Variants in HTR5A observed in about 807,000 individuals in gnomAD.
HTR5A encodes 5-HT-5.
Under a neutral mutation model 24.3 loss-of-function variants are expected in HTR5A, and 21 were observed. That is an observed-to-expected ratio of 0.86 (90% CI 0.61 to 1.24). HTR5A has a LOEUF of 1.24. Among genes scored for constraint, HTR5A ranks in the 50% most tolerant of loss-of-function variants. The pLI is 0.00. For missense variants in HTR5A, 497 were observed against 489.5 expected (o/e 1.02, Z -0.15); for synonymous variants, 260 against 213.7 (o/e 1.22, Z -1.89).
At chr7:155,081,577 T>G (rs754551714) in intron 1 of HTR5A, among the ~76,000 whole-genome samples, 2 of 152,254 alleles carry the variant, frequency 1.3e-5, no homozygotes, top group Non-Finnish European at 2.9e-5. Context: ...AACTATTCAC[T>G]TTTTAACCCT....
In HTR5A at chr7:155,073,934, C is replaced by G. The variant is rs190394011; in HGVS notation, c.741+2294C>G. On this transcript the variant is annotated intron_variant, in intron 1 of 1. Coordinates refer to ENST00000287907, the MANE Select transcript of HTR5A (RefSeq NM_024012.4). ...ATATATATGTATATATATATACTCT[C>G]TTCTCTCTCTACTTTTCCCAGATCA... Among the ~76,000 whole-genome samples the G allele has an allele frequency of 6.0e-4, 76 of 127,158 alleles. 2 individuals are homozygous for G. The East Asian group carries it at 0.015, about 25-fold the overall frequency. 83.4% of individuals were successfully genotyped at this position (127,158 alleles called of 152,430 possible). A position where few individuals can be genotyped will look rare whatever the true frequency, so the allele number is the denominator to read the frequency against.
intron 1 of HTR5A, among the ~76,000 whole-genome samples, chr7:155,082,422 T>A (rs1206811822): frequency 2.0e-5 from 3 of 152,194 alleles, no homozygotes; most frequent in African/African-American, 7.2e-5. Context: ...GTGAACAGCA[T>A]CTCTAGTATG....
Position 155,073,809 on chromosome 7 carries a change from T to A in HTR5A, c.741+2169T>A, listed in dbSNP as rs550911519. On this transcript the variant is annotated intron_variant, in intron 1 of 1. Transcript: ENST00000287907. ...ATAGCAGAAGCAAAGCATTATAACA[T>A]CTTTGTGCTTTTTATATAGATACAC... is the stretch of plus-strand genomic sequence containing the variant. 6.0e-4 allele frequency among the ~76,000 whole-genome samples: 89 copies of A among 149,320 alleles called. 2 individuals are homozygous for A. The South Asian group carries it at 0.018, about 30-fold the overall frequency.
chr7:155,079,113 C>T (rs1170062381), intron 1 of HTR5A, among the ~76,000 whole-genome samples: 1 of 152,032 alleles, frequency 6.6e-6, no homozygotes, highest in East Asian at 1.9e-4. Flanking sequence ...TGCCACCACA[C>T]CTGGCTAATT....
At chr7:155,075,546 T>C (rs1795350797) in intron 1 of HTR5A, among the ~76,000 whole-genome samples, 1 of 152,254 alleles carries the variant, frequency 6.6e-6, no homozygotes. Context: ...GTTGAGGAGC[T>C]GTCCTTGACC....
rs202169182 is a variant in HTR5A at position 155,071,508 on chromosome 7, C to T, written c.609C>T (p.Phe203=). Reference sequence around the variant, plus strand: ...GCCGCGAGCCTTCCTACGCCGTGTTCTCCACCGTAGGCGCCTTCTACCTGC... The same window carrying T: ...GCCGCGAGCCTTCCTACGCCGTGTTTTCCACCGTAGGCGCCTTCTACCTGC... ...QVSREPSYAV[F]STVGAFYLPL... is the part of the protein sequence containing the mutation. Residue 203 remains phenylalanine, a synonymous_variant, in exon 1 of 2, where the codon TTC becomes TTT. Coordinates refer to ENST00000287907, the MANE Select transcript of HTR5A (RefSeq NM_024012.4). The T allele has an allele frequency of 3.7e-5, 59 of 1,614,226 alleles. No homozygotes were observed. The highest frequency in any genetic ancestry group is 4.9e-5 in the Non-Finnish European group (58 of 1,180,048).
chr7:155,084,225 A>G lies in HTR5A; in HGVS notation c.812A>G (p.Glu271Gly). ...VRHATVTFQP[E>G]GDTWREQKEQ... ...CACGCCACCGTCACCTTCCAGCCAGAAGGGGACACGTGGCGGGAGCAGAAG... is the reference window on the plus strand; with the variant it reads ...CACGCCACCGTCACCTTCCAGCCAGGAGGGGACACGTGGCGGGAGCAGAAG... The change falls in exon 2 of 2, where the codon GAA becomes GGA. Residue 271 changes from glutamate (E) to glycine (G), a missense_variant. By Grantham distance (98) the Glu-to-Gly change is moderately conservative. Transcript: ENST00000287907. 1 of 1,614,078 alleles carries G rather than the reference A, an allele frequency of 6.2e-7. No individual in the cohort carries two copies. The highest frequency in any genetic ancestry group is 8.5e-7 in the Non-Finnish European group (1 of 1,180,002).
intron 1 of HTR5A, among the ~76,000 whole-genome samples, chr7:155,075,331 T>G (rs1044913529): frequency 1.3e-5 from 2 of 152,258 alleles, no homozygotes; most frequent in Admixed American, 1.3e-4. Context: ...CATTGCACGT[T>G]GATCAACATG....
At chr7:155,074,935 A>G (rs1329196052) in intron 1 of HTR5A, among the ~76,000 whole-genome samples, 1 of 152,222 alleles carries the variant, frequency 6.6e-6, no homozygotes, top group Non-Finnish European at 1.5e-5. Context: ...CTTCATGTCA[A>G]GAGGTTTGAA....
chr7:155,077,706 C>T (rs1304656804), intron 1 of HTR5A, among the ~76,000 whole-genome samples: 2 of 152,188 alleles, frequency 1.3e-5, no homozygotes, highest in African/African-American at 4.8e-5. Flanking sequence ...CTCAGGTGAT[C>T]TGCCCACCTC....
chr7:155,080,936 T>G (rs1168322778), intron 1 of HTR5A, among the ~76,000 whole-genome samples: 7 of 152,190 alleles, frequency 4.6e-5, no homozygotes, highest in Non-Finnish European at 8.8e-5. Flanking sequence ...TGGCTGACTT[T>G]CAGAAGTGAG....
chr7:155,073,917 G>GTGTGTATATATATATATC (rs1795332429), intron 1 of HTR5A, among the ~76,000 whole-genome samples: 1 of 130,566 alleles, frequency 7.7e-6, no homozygotes. Context: ...ATATATATAT[G>GTGTGTATATATATATATC]TATATATATA....
At position 155,086,772 on chromosome 7, in the gene HTR5A, C is replaced by G. The variant is rs10215976; in HGVS notation, c.*2285C>G. On this transcript the variant is annotated 3_prime_UTR_variant, in exon 2 of 2. Coordinates refer to ENST00000287907, the MANE Select transcript of HTR5A (RefSeq NM_024012.4). ...GTAGACATTCATTGACTTTGAGTCT[C>G]TACTATGCAAATCAAATATTTGTGA... 1.2e-3 allele frequency among the ~76,000 whole-genome samples: 190 copies of G among 152,296 alleles called. 2 individuals are homozygous for G. Among genetic ancestry groups the G allele is most frequent in the African/African-American group, 3.3e-3 (138 of 41,572 alleles).
chr7:155,079,168 G>A (rs1413851077), intron 1 of HTR5A, among the ~76,000 whole-genome samples: 1 of 151,994 alleles, frequency 6.6e-6, no homozygotes, highest in Non-Finnish European at 1.5e-5. Context: ...GCACAGGCTG[G>A]TCTCAAACTC....
At chr7:155,074,929 A>C (rs1353573646) in intron 1 of HTR5A, among the ~76,000 whole-genome samples, 1 of 152,208 alleles carries the variant, frequency 6.6e-6, no homozygotes, top group Non-Finnish European at 1.5e-5. Context: ...GTACACCTTC[A>C]TGTCAAGAGG....
chr7:155,078,712 T>C (rs1440779996), intron 1 of HTR5A, among the ~76,000 whole-genome samples: 2 of 150,348 alleles, frequency 1.3e-5, no homozygotes, highest in Non-Finnish European at 3.0e-5. Flanking sequence ...ATTTAAATTT[T>C]CACAACTGGG....
At position 155,073,859 on chromosome 7, in the gene HTR5A, G is replaced by GTATATATATATA. The variant is rs1449720900; in HGVS notation, c.741+2220_741+2221insATATATATATAT. ...CACACACATATATATACATATGTGT[G>GTATATATATATA]TGTGTGTATATATATATGTATATAT... On this transcript the variant is annotated intron_variant, in intron 1 of 1. Transcript: ENST00000287907. 4.6e-5 allele frequency among the ~76,000 whole-genome samples: 3 copies of GTATATATATATA among 64,892 alleles called. No individual in the cohort carries two copies. In the Admixed American group the frequency reaches 5.2e-4, roughly 11 times the overall value. The allele number at this position is 64,892 out of a possible 152,430, so 42.6% of individuals were successfully genotyped here. A position where few individuals can be genotyped will look rare whatever the true frequency, so the allele number is the denominator to read the frequency against.
intron 1 of HTR5A, among the ~76,000 whole-genome samples, chr7:155,074,366 G>A (rs532849126): frequency 6.6e-6 from 1 of 152,294 alleles, no homozygotes; most frequent in South Asian, 2.1e-4. Context: ...GTGAGCGGGG[G>A]CTGTGCTGTC....
chr7:155,070,894 C>T lies in HTR5A; in HGVS notation c.-6C>T. On this transcript the variant is annotated 5_prime_UTR_variant, in exon 1 of 2. Transcript: ENST00000287907. ...AAGTACCCCAGGGCGGTCTCCTGAC[C>T]CAGAGATGGATTTACCTGTGAACCT... 1 of 1,594,026 alleles carries T rather than the reference C, an allele frequency of 6.3e-7. No individual in the cohort carries two copies. Among genetic ancestry groups the T allele is most frequent in the Non-Finnish European group, 8.5e-7 (1 of 1,174,700 alleles).
Sources: allele counts gnomAD v4.1 joint callset (sites outside exome capture counted in the v4.1 genomes callset), GRCh38; gene constraint gnomAD v4.1.1; transcripts MANE v1.5; gene names NCBI Gene and HGNC (gene_info 2026-07-23, HGNC 2026-07-21).